The following MNDA variants were observed in gnomAD, a reference collection of about 807,000 sequenced individuals.
MNDA encodes epididymis secretory sperm binding protein.
MNDA carries 43 observed loss-of-function variants against 37.8 expected under a neutral mutation model. The observed-to-expected ratio is 1.14, with a 90% CI of 0.89 to 1.47. The LOEUF (loss-of-function observed/expected upper bound fraction) is 1.47, where lower values mean the gene tolerates loss of function less well. MNDA is among the 40% of genes most tolerant of loss of function. MNDA has a pLI of 0.00. For missense variants in MNDA, 536 were observed against 476.0 expected (o/e 1.13, Z -1.17); for synonymous variants, 181 against 169.0 (o/e 1.07, Z -0.55).
Position 158,843,314 on chromosome 1 carries a change from G to C in MNDA, c.301G>C (p.Val101Leu), listed in dbSNP as rs779144210. Residue 101 changes from valine (V) to leucine (L), a missense_variant, in exon 3 of 7, where the codon GTG (valine) becomes CTG (leucine). Val to Leu is a conservative substitution (Grantham distance 32, BLOSUM62 1). Coordinates refer to ENST00000368141, the MANE Select transcript of MNDA (RefSeq NM_002432.3). ...AATTAAAACACAAGAAAAAGCTCCA[G>C]TGAAAAAAATAAACCAGGAAGAAGT... ...KKIKTQEKAP[V>L]KKINQEEVGL... 2 of 1,610,956 alleles carry C rather than the reference G, an allele frequency of 1.2e-6. No homozygotes were observed. Among genetic ancestry groups the C allele is most frequent in the South Asian group, 2.2e-5 (2 of 90,752 alleles).
chr1:158,831,920 G>A (rs1261229367), intron 1 of MNDA, among the ~76,000 whole-genome samples: 23 of 152,066 alleles, frequency 1.5e-4, no homozygotes, highest in Admixed American at 1.5e-3. Flanking sequence ...AAATTATTAT[G>A]AAGTAATATT....
At chr1:158,837,629 G>A (rs1246219228) in intron 1 of MNDA, among the ~76,000 whole-genome samples, 1 of 151,460 alleles carries the variant, frequency 6.6e-6, no homozygotes, top group Non-Finnish European at 1.5e-5. Context: ...CATATACTTG[G>A]ATCCCCTGTT....
chr1:158,843,191 C>G, intron 2 of MNDA, 88 bp from the exon 3 acceptor site: 1 of 1,471,086 alleles, frequency 6.8e-7, no homozygotes, highest in East Asian at 2.4e-5. Context: ...CAGGAGCTGA[C>G]AGCAGGTAAT....
intron 1 of MNDA, among the ~76,000 whole-genome samples, chr1:158,839,947 A>T (rs1193567964): frequency 6.6e-6 from 1 of 152,224 alleles, no homozygotes; most frequent in Non-Finnish European, 1.5e-5. Flanking sequence ...ACATTCAAAT[A>T]ACATTTTGAC....
At position 158,844,030 on chromosome 1, in the gene MNDA, G is replaced by C. The variant is rs373529778; in HGVS notation, c.478G>C (p.Gly160Arg). 5 of 1,613,600 alleles carry C rather than the reference G, an allele frequency of 3.1e-6. No individual in the cohort carries two copies. The highest frequency in any genetic ancestry group is 4.2e-6 in the Non-Finnish European group (5 of 1,179,820). Residue 160 changes from glycine (G) to arginine (R), a missense_variant, in exon 4 of 7, where the codon GGT becomes CGT. Coordinates refer to ENST00000368141, the MANE Select transcript of MNDA (RefSeq NM_002432.3). The part of the protein sequence containing the change: ...KVSQEQSKPP[G>R]PSGASTSAAV... Reference sequence around the variant, plus strand: ...GTCCCAAGAGCAGAGTAAGCCCCCAGGTCCCTCAGGAGCCAGCACATCTGC... The same window carrying C: ...GTCCCAAGAGCAGAGTAAGCCCCCACGTCCCTCAGGAGCCAGCACATCTGC...
At chr1:158,833,857 G>A (rs1658853966) in intron 1 of MNDA, among the ~76,000 whole-genome samples, 1 of 152,046 alleles carries the variant, frequency 6.6e-6, no homozygotes, top group Admixed American at 6.6e-5. Flanking sequence ...CTTATTTTGG[G>A]AATATATCTA....
At chr1:158,839,417 C>T (rs1213864794) in intron 1 of MNDA, among the ~76,000 whole-genome samples, 1 of 152,150 alleles carries the variant, frequency 6.6e-6, no homozygotes, top group Non-Finnish European at 1.5e-5. Flanking sequence ...ATTCCTCTAT[C>T]CATAATCTCT....
intron 6 of MNDA, among the ~76,000 whole-genome samples, 163 bp from the exon 7 acceptor site, chr1:158,849,027 A>G (rs923746764): frequency 3.9e-5 from 6 of 152,182 alleles, no homozygotes; most frequent in African/African-American, 1.4e-4. Flanking sequence ...AGTTTTTTGA[A>G]GGTAGATCTT....
Position 158,840,700 on chromosome 1 carries a change from T to G in MNDA, c.-20-1434T>G, listed in dbSNP as rs528008647. On this transcript the variant is annotated intron_variant, in intron 1 of 6. Transcript: ENST00000368141. Reference sequence around the variant, plus strand: ...GATCAGTACTATGTAAAAATTACTTTCTTAACCTGCTGCAGACTGTTCAAT... The same window carrying G: ...GATCAGTACTATGTAAAAATTACTTGCTTAACCTGCTGCAGACTGTTCAAT... Among the ~76,000 whole-genome samples the G allele has an allele frequency of 7.5e-4, 115 of 152,334 alleles. No homozygotes were observed. The Middle Eastern group carries it at 0.01, about 14-fold the overall frequency.
intron 1 of MNDA, among the ~76,000 whole-genome samples, chr1:158,836,162 T>C (rs1416757407): frequency 6.6e-6 from 1 of 151,936 alleles, no homozygotes; most frequent in Admixed American, 6.6e-5. Context: ...TGCATCGACA[T>C]GCATAAGGGA....
In MNDA at chr1:158,847,893, T is replaced by C; in HGVS notation, c.1153T>C (p.Cys385Arg). ...RTVDRKLKLV[C>R]GSHSFIKVIK... is the part of the protein sequence containing the mutation. ...AGTTGACCGCAAGCTGAAACTGGTG[T>C]GTGGAAGTCACAGCTTCATCAAGGT... Residue 385 changes from cysteine (C) to arginine (R), a missense_variant, in exon 6 of 7, where the codon TGT becomes CGT. By Grantham distance (180) the Cys-to-Arg change is radical. Transcript: ENST00000368141. 6.2e-7 allele frequency: 1 copy of C among 1,613,874 alleles called. No homozygotes were observed. Among genetic ancestry groups the C allele is most frequent in the Non-Finnish European group, 8.5e-7 (1 of 1,179,834 alleles).
rs377583710 is a variant in MNDA at position 158,847,781 on chromosome 1, C to T, written c.1041C>T (p.Ser347=). 1.2e-6 allele frequency: 2 copies of T among 1,613,864 alleles called. No homozygotes were observed. Among genetic ancestry groups the T allele is most frequent in the Non-Finnish European group, 1.7e-6 (2 of 1,179,858 alleles). ...TIYEIQDNTG[S]MDVVGSGKWH... The stretch of plus-strand genomic sequence containing the variant: ...ATGAAATACAGGATAATACAGGATC[C>T]ATGGATGTAGTGGGGAGTGGAAAAT... The change falls in exon 6 of 7, where the codon TCC becomes TCT. Residue 347 remains serine (S), a synonymous_variant. Coordinates refer to ENST00000368141, the MANE Select transcript of MNDA (RefSeq NM_002432.3).
rs114518534 is a variant in MNDA at position 158,844,827 on chromosome 1, C to T, written c.570+705C>T. On this transcript the variant is annotated intron_variant, in intron 4 of 6. Transcript: ENST00000368141. ...CATGGTTCTTCATTTTTAATGCTGT[C>T]CAAGTTGTTTTCACTTTGTTGATTG... Among the ~76,000 whole-genome samples, 718 of 151,952 alleles carry T rather than the reference C, an allele frequency of 4.7e-3. 9 individuals are homozygous for T. The highest frequency in any genetic ancestry group is 0.017 in the African/African-American group (689 of 41,430).
chr1:158,846,059 T>C, intron 5 of MNDA, 56 bp downstream of exon 5: 1 of 1,454,832 alleles, frequency 6.9e-7, no homozygotes, highest in African/African-American at 1.4e-5. Flanking sequence ...ATAAATGTCT[T>C]AATTTGCCAG....
chr1:158,845,887 C>G lies in MNDA; in HGVS notation c.871C>G (p.Gln291Glu). Residue 291 changes from glutamine (Q) to glutamate (E), a missense_variant, in exon 5 of 7, where the codon CAA becomes GAA. Gln to Glu is a conservative substitution (Grantham distance 29). Transcript: ENST00000368141. ...KEASSVSDFNQNFEVPNRIIE... is the reference protein window; with the variant it reads ...KEASSVSDFNENFEVPNRIIE... The stretch of plus-strand genomic sequence containing the variant: ...AGCATCATCTGTGTCTGACTTTAAT[C>G]AAAATTTTGAGGTCCCAAACAGAAT... 1 of 1,614,078 alleles carries G rather than the reference C, an allele frequency of 6.2e-7. No homozygotes were observed. Among genetic ancestry groups the G allele is most frequent in the Non-Finnish European group, 8.5e-7 (1 of 1,180,002 alleles).
chr1:158,848,745 A>G (rs373836955), intron 6 of MNDA, among the ~76,000 whole-genome samples: 4 of 152,180 alleles, frequency 2.6e-5, no homozygotes, highest in Admixed American at 2.6e-4. Flanking sequence ...AGAGATATCT[A>G]TTAGAAGTTG....
intron 5 of MNDA, among the ~76,000 whole-genome samples, chr1:158,847,186 C>T (rs1269719272): frequency 1.3e-5 from 2 of 152,024 alleles, no homozygotes; most frequent in East Asian, 3.8e-4. Context: ...GTGAGGGATA[C>T]AAAACTATAT....
rs148142374 is a variant in MNDA at position 158,844,085 on chromosome 1, C to T, written c.533C>T (p.Thr178Ile). Residue 178 changes from threonine (T) to isoleucine (I), a missense_variant, in exon 4 of 7, where the codon ACC becomes ATC. Physicochemically the swap from Thr to Ile is moderately conservative, Grantham distance 89. Coordinates refer to ENST00000368141, the MANE Select transcript of MNDA (RefSeq NM_002432.3). The stretch of plus-strand genomic sequence containing the variant: ...GTGGATCATCCCCCACTACCCCAGA[C>T]CTCATCATCAACTCCATCCAACACT... ...AAVDHPPLPQ[T>I]SSSTPSNTSF... The T allele has an allele frequency of 7.2e-3, 11,630 of 1,605,800 alleles. 81 individuals are homozygous for T. The highest frequency in any genetic ancestry group is 0.011 in the South Asian group (944 of 89,690).
At position 158,845,718 on chromosome 1, in the gene MNDA, A is replaced by G; in HGVS notation, c.702A>G (p.Thr234=). The G allele has an allele frequency of 6.2e-7, 1 of 1,614,172 alleles. No individual in the cohort carries two copies. ...AGTCCCCAGAAAATGGGAAAAGCAC[A>G]ATGTTTCATGCTACAGTGGCCAGTA... The part of the protein sequence containing the change: ...KYESPENGKS[T]MFHATVASKT... Residue 234 remains threonine, a synonymous_variant, in exon 5 of 7, where the codon ACA becomes ACG. Coordinates refer to ENST00000368141, the MANE Select transcript of MNDA (RefSeq NM_002432.3).
Sources: allele counts gnomAD v4.1 joint callset (sites outside exome capture counted in the v4.1 genomes callset), GRCh38; gene constraint gnomAD v4.1.1; transcripts MANE v1.5; gene names NCBI Gene and HGNC (gene_info 2026-07-23, HGNC 2026-07-21).